The following PPP4R4 variants were observed in gnomAD, a reference collection of about 807,000 sequenced individuals.
PPP4R4 encodes the protein serine/threonine-protein phosphatase 4 regulatory subunit 4.
In PPP4R4, 70 loss-of-function variants were observed where a neutral mutation model predicts 121.8. That is an observed-to-expected ratio of 0.57 (90% CI 0.47 to 0.70). The LOEUF (loss-of-function observed/expected upper bound fraction) is 0.70. Among genes scored for constraint, PPP4R4 ranks in the 30% least tolerant of loss-of-function variants. The pLI is 0.00. For synonymous variants in PPP4R4, 348 were observed against 355.7 expected, an observed-to-expected ratio of 0.98 and a Z score of 0.24; for missense variants, 875 against 1,033.6, an observed-to-expected ratio of 0.85 and a Z score of 2.10.
chr14:94,179,222 C>T (rs1888842553), intron 2 of PPP4R4, among the ~76,000 whole-genome samples: 1 of 152,168 alleles, frequency 6.6e-6, no homozygotes, highest in Non-Finnish European at 1.5e-5. Flanking sequence ...AGCAGTTGCT[C>T]CTCAGTACCA....
chr14:94,242,506 A>T (rs1892687460), intron 11 of PPP4R4, 98 bp downstream of exon 11: 1 of 1,186,904 alleles, frequency 8.4e-7, no homozygotes, highest in Non-Finnish European at 1.2e-6. Context: ...TATAGACTGG[A>T]TATCTCTTTC....
chr14:94,189,815 T>C (rs1428721144), intron 2 of PPP4R4, among the ~76,000 whole-genome samples: 2 of 152,210 alleles, frequency 1.3e-5, no homozygotes, highest in African/African-American at 4.8e-5. Flanking sequence ...TTTTATACTC[T>C]TTTTCTCTCA....
chr14:94,214,387 C>T (rs542041198), intron 3 of PPP4R4, among the ~76,000 whole-genome samples: 5 of 151,990 alleles, frequency 3.3e-5, no homozygotes, highest in South Asian at 2.1e-4. Flanking sequence ...CCTTTTATTT[C>T]GGTGCATGCC....
rs969191537 is a variant in PPP4R4, at chr14:94,270,929, C to CA, written c.2449+3902dup. Among the ~76,000 whole-genome samples the CA allele has an allele frequency of 6.2e-5, 9 of 144,900 alleles. 1 individual carries two copies. The highest frequency in any genetic ancestry group is 2.1e-4 in the African/African-American group (8 of 38,946). On this transcript the variant is annotated intron_variant, in intron 23 of 24. Transcript: ENST00000304338. ...TGAGACTCCATCTCAAAAAAAAAAA[C>CA]AACAACAACAACAACAAAAAAAGAC...
intron 2 of PPP4R4, among the ~76,000 whole-genome samples, chr14:94,202,995 AT>A (rs1326577317): frequency 6.6e-6 from 1 of 151,444 alleles, no homozygotes; most frequent in Admixed American, 6.6e-5. Context: ...AAAAAAAAAA[AT>A]CTTTTTATTT....
chr14:94,248,906 A>G (rs963994398), intron 14 of PPP4R4, among the ~76,000 whole-genome samples: 2 of 152,046 alleles, frequency 1.3e-5, no homozygotes, highest in African/African-American at 2.4e-5. Context: ...ATGGTGACAA[A>G]TGCACTTTGT....
At chr14:94,271,697 A>G (rs951375984) in intron 23 of PPP4R4, among the ~76,000 whole-genome samples, 1 of 152,210 alleles carries the variant, frequency 6.6e-6, no homozygotes, top group Admixed American at 6.5e-5. Context: ...GAAGAACTCA[A>G]ATTGTCTTTG....
At chr14:94,231,177 G>A in intron 4 of PPP4R4, 65 bp from the exon 5 acceptor site, 1 of 1,254,448 alleles carries the variant, frequency 8.0e-7, no homozygotes, top group Non-Finnish European at 1.2e-6. Flanking sequence ...AACTATTAAT[G>A]GCTGAGTTGA....
rs748941064 is a variant in PPP4R4, at chr14:94,250,223, C to T, written c.1663C>T (p.Arg555Cys). Reference protein sequence around the residue: ...AASRTLCIFLRYNRKQEQRHE... With the variant: ...AASRTLCIFLCYNRKQEQRHE... ...TTCACGAACTCTATGCATTTTTCTG[C>T]GTTATAATCGTAAACAAGAACAGAG... The change falls in exon 15 of 25, where the codon CGT becomes TGT. Residue 555 changes from arginine (R) to cysteine (C), a missense_variant. Coordinates refer to ENST00000304338, the MANE Select transcript of PPP4R4 (RefSeq NM_058237.2). The T allele has an allele frequency of 5.6e-6, 9 of 1,611,902 alleles. No homozygotes were observed. The highest frequency in any genetic ancestry group is 2.7e-5 in the African/African-American group (2 of 74,792).
At chr14:94,271,963 T>C (rs1016581272) in intron 23 of PPP4R4, among the ~76,000 whole-genome samples, 2 of 152,114 alleles carry the variant, frequency 1.3e-5, no homozygotes, top group Admixed American at 6.5e-5. Context: ...TAACAAAATA[T>C]GTACAAGATC....
At chr14:94,274,956 G>C (rs938128797) in intron 23 of PPP4R4, among the ~76,000 whole-genome samples, 10 of 150,398 alleles carry the variant, frequency 6.6e-5, no homozygotes, top group African/African-American at 2.3e-4. Flanking sequence ...GTCAGAAATA[G>C]AAAGGAAGGA....
intron 3 of PPP4R4, among the ~76,000 whole-genome samples, chr14:94,211,109 C>T (rs1459630478): frequency 6.6e-6 from 1 of 152,122 alleles, no homozygotes; most frequent in Non-Finnish European, 1.5e-5. Flanking sequence ...CATTCTCATT[C>T]ATTCATAAAT....
Position 94,174,480 on chromosome 14 carries a change from G to T in PPP4R4, c.15G>T (p.Pro5=). The change falls in exon 1 of 25, where the codon CCG becomes CCT. Residue 5 remains proline (P), a synonymous_variant. Transcript: ENST00000304338. The stretch of plus-strand genomic sequence containing the variant: ...CCCGGCGGTCCATGCATCCGCCGCC[G>T]CCCGCCGCCGCGATGGATTTCAGTC... MHPP[P]PAAAMDFSQN... 6.2e-7 allele frequency: 1 copy of T among 1,603,914 alleles called. No homozygotes were observed. Among genetic ancestry groups the T allele is most frequent in the Non-Finnish European group, 8.5e-7 (1 of 1,176,144 alleles).
chr14:94,270,198 A>C (rs1045392157), intron 23 of PPP4R4, among the ~76,000 whole-genome samples: 1 of 152,238 alleles, frequency 6.6e-6, no homozygotes, highest in African/African-American at 2.4e-5. Flanking sequence ...CTAGAGATAC[A>C]TAAAAAACTT....
intron 2 of PPP4R4, among the ~76,000 whole-genome samples, chr14:94,201,027 C>T (rs2139430298): frequency 6.6e-6 from 1 of 152,200 alleles, no homozygotes; most frequent in Admixed American, 6.5e-5. Context: ...TAAGTTGTGT[C>T]ACTATTATTC....
rs115438283 is a variant in PPP4R4 at position 94,198,369 on chromosome 14, T to C, written c.192-10095T>C. Among the ~76,000 whole-genome samples, 1,004 of 152,330 alleles carry C rather than the reference T, an allele frequency of 6.6e-3. 10 individuals carry two copies. The highest frequency in any genetic ancestry group is 0.023 in the African/African-American group (965 of 41,582). On this transcript the variant is annotated intron_variant, in intron 2 of 24. Transcript: ENST00000304338. ...AGGTGTTCAAATCTTTTGTCTGCTT[T>C]TTATTGGATGTTCTTACTCTTGTAG...
chr14:94,178,139 C>A (rs1888778764), intron 2 of PPP4R4, among the ~76,000 whole-genome samples: 1 of 152,138 alleles, frequency 6.6e-6, no homozygotes, highest in South Asian at 2.1e-4. Context: ...AGGATTGTTT[C>A]ATAGAGATGT....
Position 94,261,614 on chromosome 14 carries a change from G to A in PPP4R4, c.2127+2245G>A, listed in dbSNP as rs181365253. On this transcript the variant is annotated intron_variant, in intron 19 of 24. Transcript: ENST00000304338. ...CAGGACCTCCAGTAAAATTAAGGTG[G>A]TACAAGTAGGCATCCTTGTCTTTTT... Among the ~76,000 whole-genome samples, 4 of 151,962 alleles carry A rather than the reference G, an allele frequency of 2.6e-5. No homozygotes were observed. In the East Asian group the frequency reaches 7.7e-4, roughly 29 times the overall value.
chr14:94,245,774 T>C (rs1027045144), intron 13 of PPP4R4, 104 bp downstream of exon 13: 1 of 734,094 alleles, frequency 1.4e-6, no homozygotes, highest in African/African-American at 1.8e-5. Context: ...ACTTGTAAAA[T>C]AGTGCATGCC....
Sources: gnomAD v4.1 joint callset for allele counts (sites outside exome capture counted in the v4.1 genomes callset) on GRCh38, gnomAD v4.1.1 for gene constraint, MANE v1.5 for transcripts, NCBI Gene and HGNC (gene_info 2026-07-23, HGNC 2026-07-21) for gene names.